The following GCC2 variants were observed in gnomAD, a reference collection of about 807,000 sequenced individuals.
GCC2 encodes the protein GRIP and coiled-coil domain-containing protein 2.
Under a neutral mutation model 210.6 loss-of-function variants are expected in GCC2, and 120 were observed. The observed-to-expected ratio is 0.57, with a 90% CI of 0.49 to 0.66. The LOEUF (loss-of-function observed/expected upper bound fraction) is 0.66. Ranked by LOEUF, GCC2 falls within the 30% of genes least tolerant of loss-of-function variation. The pLI is 0.00. For synonymous variants in GCC2, 703 were observed against 652.7 expected (o/e 1.08, Z -1.17); for missense variants, 1,868 against 1,871.9 (o/e 1.00, Z 0.04).
In GCC2 at chr2:108,486,527, T is replaced by C. The variant is rs1010946455; in HGVS notation, c.3809T>C (p.Ile1270Thr). Residue 1270 changes from isoleucine to threonine, a missense_variant, in exon 16 of 23, where the codon ATA becomes ACA. Around this residue, in one of 3 missense-constraint regions of GCC2, gnomAD observed 1,847 missense variants for 1,765.2 expected, o/e 1.05. Coordinates refer to ENST00000309863, the MANE Select transcript of GCC2 (RefSeq NM_181453.4). ...VEVYKIQLAE[I>T]TSEKHKIHEH... ...TACCCCCAGATACAGCTGGCTGAAA[T>C]AACATCAGAGAAGCACAAAATCCAC... 1.2e-6 allele frequency: 2 copies of C among 1,614,136 alleles called. No individual in the cohort carries two copies. The highest frequency in any genetic ancestry group is 8.5e-7 in the Non-Finnish European group (1 of 1,180,020).
At chr2:108,506,567 G>C (rs1484176585) in intron 22 of GCC2, among the ~76,000 whole-genome samples, 2 of 152,052 alleles carry the variant, frequency 1.3e-5, no homozygotes, top group African/African-American at 4.8e-5. Flanking sequence ...TGCTGAAAAG[G>C]GCAGGTTTTA....
At chr2:108,505,402 C>T (rs1683133378) in intron 22 of GCC2, among the ~76,000 whole-genome samples, 1 of 152,190 alleles carries the variant, frequency 6.6e-6, no homozygotes, top group Non-Finnish European at 1.5e-5. Flanking sequence ...ATTCTTTGCC[C>T]TCATTCCCTC....
In GCC2 at chr2:108,471,842, A is replaced by C; in HGVS notation, c.2513A>C (p.Gln838Pro). The C allele has an allele frequency of 6.2e-7, 1 of 1,613,544 alleles. No individual in the cohort carries two copies. Among genetic ancestry groups the C allele is most frequent in the Non-Finnish European group, 8.5e-7 (1 of 1,179,698 alleles). Reference protein sequence around the residue: ...ELKSLLRDYEQEKVLLRKELE... With the variant: ...ELKSLLRDYEPEKVLLRKELE... ...AAGTCTTTATTGAGAGACTATGAGCAAGAGAAAGTTCTCTTAAGGAAAGAG... is the reference window on the plus strand; with the variant it reads ...AAGTCTTTATTGAGAGACTATGAGCCAGAGAAAGTTCTCTTAAGGAAAGAG... The change falls in exon 6 of 23, where the codon CAA becomes CCA. Residue 838 changes from glutamine (Q) to proline (P), a missense_variant. Physicochemically the swap from Gln to Pro is moderately conservative, Grantham distance 76 (BLOSUM62 -1). Transcript: ENST00000309863.
intron 9 of GCC2, among the ~76,000 whole-genome samples, chr2:108,476,654 TACA>T (rs1157616975): frequency 6.6e-6 from 1 of 152,156 alleles, no homozygotes; most frequent in Non-Finnish European, 1.5e-5. Flanking sequence ...AAAATTAAAG[TACA>T]ACAAAATCAC....
At chr2:108,464,623 T>G (rs1308695658) in intron 4 of GCC2, among the ~76,000 whole-genome samples, 1 of 152,208 alleles carries the variant, frequency 6.6e-6, no homozygotes, top group Admixed American at 6.5e-5. Context: ...AATTTCTCTC[T>G]TCTCCCAGCC....
At chr2:108,500,496 G>C (rs1470411310) in intron 22 of GCC2, among the ~76,000 whole-genome samples, 1 of 152,132 alleles carries the variant, frequency 6.6e-6, no homozygotes, top group Non-Finnish European at 1.5e-5. Flanking sequence ...ACGGCAGAGC[G>C]AGACTCCATC....
At chr2:108,476,113 T>A (rs1681511139) in intron 9 of GCC2, among the ~76,000 whole-genome samples, 1 of 138,124 alleles carries the variant, frequency 7.2e-6, no homozygotes, top group African/African-American at 2.7e-5. Context: ...CAGGCTGGAG[T>A]GCAGTGGCTC....
rs749598555 is a variant in GCC2, at chr2:108,486,662, G to A, written c.3930+14G>A. On this transcript the variant is annotated intron_variant, in intron 16 of 22. Coordinates refer to ENST00000309863, the MANE Select transcript of GCC2 (RefSeq NM_181453.4). ...CGTGCTGCCAAGGTGCGTTCTTCAG[G>A]GCAGCCACAGCAAGCCACTGGGATT... 1.2e-6 allele frequency: 2 copies of A among 1,602,390 alleles called. No homozygotes were observed. The highest frequency in any genetic ancestry group is 1.7e-6 in the Non-Finnish European group (2 of 1,174,120).
chr2:108,452,415 TGAA>T lies in GCC2; in HGVS notation c.169_171del (p.Glu57del). 1 of 1,537,198 alleles carries T rather than the reference TGAA, an allele frequency of 6.5e-7. No homozygotes were observed. Among genetic ancestry groups the T allele is most frequent in the Non-Finnish European group, 9.0e-7 (1 of 1,110,736 alleles). ...ATTGTTTAGAATTGGAGAAAGAAAT[TGAA>T]GAACTCAGATCAAAACCTGTTACTG... On this transcript the variant is annotated inframe_deletion, in exon 4 of 23. Coordinates refer to ENST00000309863, the MANE Select transcript of GCC2 (RefSeq NM_181453.4).
At chr2:108,452,610 G>T in intron 4 of GCC2, 144 bp downstream of exon 4, 3 of 599,260 alleles carry the variant, frequency 5.0e-6, no homozygotes, top group South Asian at 2.0e-5. Flanking sequence ...ACTGTAAAAA[G>T]AGGGGGTTAA....
intron 9 of GCC2, among the ~76,000 whole-genome samples, chr2:108,480,386 A>T (rs1681788732): frequency 6.6e-6 from 1 of 152,230 alleles, no homozygotes; most frequent in Non-Finnish European, 1.5e-5. Context: ...TTGACCCAGC[A>T]ATCCCGTTAC....
chr2:108,456,015 T>TG (rs1264556694), intron 4 of GCC2, among the ~76,000 whole-genome samples: 1 of 151,894 alleles, frequency 6.6e-6, no homozygotes, highest in Non-Finnish European at 1.5e-5. Flanking sequence ...GACGGAGTCT[T>TG]GCTCTGTCGC....
At position 108,468,973 on chromosome 2, in the gene GCC2, A is replaced by G. The variant is rs1464359165; in HGVS notation, c.217-7A>G. ...ACCCCAGGCAAATAAATCTTGTTCT[A>G]AAATAGGCATTAACTGAACGTCTGG... On this transcript the variant is annotated splice_region_variant and splice_polypyrimidine_tract_variant and intron_variant, in intron 4 of 22. Transcript: ENST00000309863. 7.0e-6 allele frequency: 11 copies of G among 1,582,580 alleles called. No homozygotes were observed. Among genetic ancestry groups the G allele is most frequent in the Non-Finnish European group, 8.7e-6 (10 of 1,151,880 alleles).
chr2:108,461,285 T>A (rs901930719), intron 4 of GCC2, among the ~76,000 whole-genome samples: 2 of 142,860 alleles, frequency 1.4e-5, no homozygotes, highest in Non-Finnish European at 3.0e-5. Flanking sequence ...CTTTTCTCTT[T>A]GCTGAATTTT....
chr2:108,498,183 CTTTTTTTTTTTTTTTT>C (rs3084885), intron 21 of GCC2, among the ~76,000 whole-genome samples: 1 of 57,466 alleles, frequency 1.7e-5, no homozygotes, highest in African/African-American at 7.3e-5. Flanking sequence ...GTTATATTTT[CTTTTTTTTTTTTTTTT>C]TTTTTTTTTT....
In GCC2 at chr2:108,471,346, A is replaced by G. The variant is rs1681207320; in HGVS notation, c.2017A>G (p.Met673Val). Residue 673 changes from methionine to valine, a missense_variant, in exon 6 of 23, where the codon ATG becomes GTG. Transcript: ENST00000309863. ...DQKLEKLMVQ[M>V]KVLSEDKEVL... is the part of the protein sequence containing the mutation. ...AAAACTAGAAAAACTTATGGTTCAA[A>G]TGAAAGTTCTCTCTGAAGACAAAGA... The G allele has an allele frequency of 4.3e-6, 7 of 1,611,798 alleles. No homozygotes were observed. Among genetic ancestry groups the G allele is most frequent in the African/African-American group, 2.7e-5 (2 of 74,904 alleles).
chr2:108,464,828 G>A (rs567671476), intron 4 of GCC2, among the ~76,000 whole-genome samples: 64 of 152,294 alleles, frequency 4.2e-4, no homozygotes, highest in African/African-American at 1.4e-3. Context: ...TTCGTTCATC[G>A]TTCTGCAAGC....
chr2:108,496,234 TTGA>T (rs1682643144), intron 20 of GCC2: 1 of 151,930 alleles, frequency 6.6e-6, no homozygotes, highest in South Asian at 2.1e-4. Flanking sequence ...TTTATTCCTC[TTGA>T]TGAAGTAATG....
chr2:108,498,320 C>A (rs1338678375), intron 21 of GCC2, among the ~76,000 whole-genome samples: 1 of 149,978 alleles, frequency 6.7e-6, no homozygotes, highest in Admixed American at 6.7e-5. Context: ...CTCAGCCTCC[C>A]GAGTAGCTGG....
Sources: allele counts gnomAD v4.1 joint callset (sites outside exome capture counted in the v4.1 genomes callset), GRCh38; gene constraint gnomAD v4.1.1; regional missense constraint gnomAD v4.1.1; transcripts MANE v1.5; gene names NCBI Gene and HGNC (gene_info 2026-07-23, HGNC 2026-07-21).